NALCN: variants seen among roughly 807,000 people sequenced by gnomAD.
NALCN encodes sodium leak channel, non-selective, also known as sodium leak channel NALCN.
A neutral mutation model predicts 225.3 loss-of-function variants in NALCN; 111 were observed. The observed-to-expected ratio is 0.49, with a 90% confidence interval of 0.42 to 0.58. The LOEUF (loss-of-function observed/expected upper bound fraction) is 0.58. Among genes scored for constraint, NALCN ranks in the 20% least tolerant of loss-of-function variants. The probability of loss-of-function intolerance (pLI) is 0.00; values close to 1 mark genes in which losing one functional copy is unlikely to be tolerated. For synonymous variants in NALCN, 764 were observed against 769.0 expected, an observed-to-expected ratio of 0.99 and a Z score of 0.11; for missense variants, 1,378 against 2,202.4, an observed-to-expected ratio of 0.63 and a Z score of 7.49.
intron 13 of NALCN, among the ~76,000 whole-genome samples, chr13:101,208,344 C>T (rs1196555754): frequency 1.3e-5 from 2 of 152,044 alleles, no homozygotes; most frequent in African/African-American, 4.8e-5. Flanking sequence ...CGGACACGTC[C>T]AAATATCAGA....
At chr13:101,201,151 AT>A (rs978711618) in intron 13 of NALCN, among the ~76,000 whole-genome samples, 2 of 151,798 alleles carry the variant, frequency 1.3e-5, no homozygotes, top group African/African-American at 2.4e-5. Context: ...GGTCTATACT[AT>A]TTTTTTTGAC....
At position 101,140,785 on chromosome 13, in the gene NALCN, C is replaced by G. The variant is rs191996319; in HGVS notation, c.2118+2295G>C. ...ATTTAAAAAAATCAAAAAAGCCAGG[C>G]ATGGTGGCCATGCCTATAGTCCCGG... On this transcript the variant is annotated intron_variant, in intron 17 of 43. Transcript: ENST00000251127. Among the ~76,000 whole-genome samples, 7 of 152,182 alleles carry G rather than the reference C, an allele frequency of 4.6e-5. No individual in the cohort carries two copies. The East Asian group carries it at 1.2e-3, about 25-fold the overall frequency.
chr13:101,412,852 A>G (rs780213917), intron 1 of NALCN, among the ~76,000 whole-genome samples: 1 of 152,230 alleles, frequency 6.6e-6, no homozygotes, highest in Non-Finnish European at 1.5e-5. Flanking sequence ...AGCAAAAAGC[A>G]GAATTAGACT....
chr13:101,244,107 A>C (rs1044984943), intron 11 of NALCN, among the ~76,000 whole-genome samples: 17 of 152,234 alleles, frequency 1.1e-4, no homozygotes, highest in African/African-American at 3.1e-4. Context: ...TAGCAGAGGA[A>C]GCAGTAATAG....
chr13:101,127,826 T>A (rs1174456564), intron 17 of NALCN, among the ~76,000 whole-genome samples: 1 of 152,264 alleles, frequency 6.6e-6, no homozygotes, highest in Non-Finnish European at 1.5e-5. Flanking sequence ...AGTGATTATC[T>A]AGTTATTCCC....
chr13:101,187,350 G>A (rs2039491964), intron 14 of NALCN, among the ~76,000 whole-genome samples: 1 of 152,012 alleles, frequency 6.6e-6, no homozygotes, highest in African/African-American at 2.4e-5. Flanking sequence ...GGGAATCTTG[G>A]AAAGTTTCCC....
chr13:101,341,171 T>C (rs1214452200), intron 7 of NALCN, among the ~76,000 whole-genome samples: 1 of 152,224 alleles, frequency 6.6e-6, no homozygotes, highest in Non-Finnish European at 1.5e-5. Flanking sequence ...TTACATTAGC[T>C]TTGTTCTTAA....
intron 1 of NALCN, among the ~76,000 whole-genome samples, chr13:101,402,134 CATT>C (rs1392693183): frequency 2.2e-4 from 33 of 152,242 alleles, no homozygotes; most frequent in Middle Eastern, 3.4e-3. Context: ...TGAGCCTTAT[CATT>C]ATTATGTTTT....
chr13:101,413,565 A>G (rs1482885468), intron 1 of NALCN, among the ~76,000 whole-genome samples: 1 of 151,996 alleles, frequency 6.6e-6, no homozygotes, highest in Non-Finnish European at 1.5e-5. Flanking sequence ...TTCAGTGGTA[A>G]AAACAGTATA....
intron 26 of NALCN, among the ~76,000 whole-genome samples, chr13:101,102,204 A>G (rs1234088294): frequency 6.6e-6 from 1 of 151,766 alleles, no homozygotes; most frequent in African/African-American, 2.4e-5. Context: ...AATCTCTTGA[A>G]CCCAGTAGGT....
At chr13:101,411,730 G>T (rs2047793640) in intron 1 of NALCN, among the ~76,000 whole-genome samples, 1 of 152,142 alleles carries the variant, frequency 6.6e-6, no homozygotes, top group South Asian at 2.1e-4. Context: ...ATGTATTAAA[G>T]ATAGCAACTT....
intron 7 of NALCN, among the ~76,000 whole-genome samples, chr13:101,331,987 A>T (rs1054267438): frequency 6.6e-6 from 1 of 152,152 alleles, no homozygotes; most frequent in African/African-American, 2.4e-5. Context: ...CCCTTGGTTA[A>T]ATCCTCCTTG....
At chr13:101,415,712 A>T (rs1286085491) in intron 1 of NALCN, among the ~76,000 whole-genome samples, 2 of 152,194 alleles carry the variant, frequency 1.3e-5, no homozygotes, top group African/African-American at 4.8e-5. Context: ...AATGAATATC[A>T]TAAGGGACAT....
chr13:101,207,961 AC>A (rs2040380381), intron 13 of NALCN, among the ~76,000 whole-genome samples: 1 of 151,988 alleles, frequency 6.6e-6, no homozygotes, highest in Non-Finnish European at 1.5e-5. Flanking sequence ...CCACGAACCC[AC>A]CGGAAGGAAT....
rs749742451 is a variant in NALCN, at chr13:101,059,783, A to T, written c.4905+35T>A. On this transcript the variant is annotated intron_variant, in intron 42 of 43. Transcript: ENST00000251127. The stretch of plus-strand genomic sequence containing the variant: ...TTTATTAAAAGAAAGAAGCCCACAG[A>T]GTGTCCTGGGACAGAGGACGCCTCG... 4.2e-5 allele frequency: 67 copies of T among 1,589,766 alleles called. 1 individual carries two copies. The Admixed American group carries it at 9.7e-4, about 23-fold the overall frequency.
intron 10 of NALCN, among the ~76,000 whole-genome samples, chr13:101,272,939 GA>G (rs1226048274): frequency 6.6e-6 from 1 of 152,158 alleles, no homozygotes; most frequent in Non-Finnish European, 1.5e-5. Context: ...TGTTTTCAAA[GA>G]GCATTAAAAC....
At chr13:101,403,850 A>G (rs78683684) in intron 1 of NALCN, among the ~76,000 whole-genome samples, 3,243 of 152,284 alleles carry the variant, frequency 0.021, 104 homozygotes, top group East Asian at 0.11. Context: ...GCACAGTTTG[A>G]GAAGGAAATT....
chr13:101,368,954 T>G (rs1283046144), intron 6 of NALCN: 3 of 306,440 alleles, frequency 9.8e-6, no homozygotes, highest in Non-Finnish European at 1.9e-5. Flanking sequence ...TTCAGTAAGC[T>G]GAGATCATGC....
chr13:101,248,253 G>A (rs1301941335), intron 11 of NALCN, among the ~76,000 whole-genome samples: 1 of 152,014 alleles, frequency 6.6e-6, no homozygotes, highest in Non-Finnish European at 1.5e-5. Context: ...AAGGTGAGAG[G>A]AGAAATTTAA....
Sources: allele counts gnomAD v4.1 joint callset (sites outside exome capture counted in the v4.1 genomes callset), GRCh38; gene constraint gnomAD v4.1.1; transcripts MANE v1.5; gene names NCBI Gene and HGNC (gene_info 2026-07-23, HGNC 2026-07-21).